Variants in TMPRSS9 observed in about 807,000 individuals in gnomAD.
TMPRSS9 encodes the protein transmembrane protease serine 9.
In TMPRSS9, 113 loss-of-function variants were observed where a neutral mutation model predicts 111.4. The observed-to-expected ratio is 1.01, with a 90% CI of 0.87 to 1.19. The LOEUF (loss-of-function observed/expected upper bound fraction) is 1.19, where lower values mean the gene tolerates loss of function less well. Ranked by LOEUF, TMPRSS9 falls within the 50% of genes most tolerant of loss-of-function variation. TMPRSS9 has a pLI of 0.00. For synonymous variants in TMPRSS9, 805 were observed against 659.1 expected (o/e 1.22, Z -3.39); for missense variants, 1,803 against 1,513.1 (o/e 1.19, Z -3.18).
chr19:2,393,127 A>T (rs1354352995), intron 1 of TMPRSS9, among the ~76,000 whole-genome samples: 1 of 152,190 alleles, frequency 6.6e-6, no homozygotes, highest in African/African-American at 2.4e-5. Flanking sequence ...AGGGAATAAA[A>T]GCGGACTGCT....
At chr19:2,367,220 T>C (rs1970254187) in intron 1 of TMPRSS9, among the ~76,000 whole-genome samples, 2 of 152,132 alleles carry the variant, frequency 1.3e-5, no homozygotes, top group Non-Finnish European at 2.9e-5. Context: ...CAAATAATTT[T>C]TGGAGATATT....
upstream of TMPRSS9, among the ~76,000 whole-genome samples, chr19:2,387,328 C>G (rs528620487): frequency 7.9e-5 from 12 of 152,186 alleles, no homozygotes; most frequent in African/African-American, 2.9e-4. Context: ...AACCCCCTCT[C>G]TACTAAAAAT....
In TMPRSS9 at chr19:2,426,046, G is replaced by A. The variant is rs1444634642; in HGVS notation, c.3240G>A (p.Val1080=). Residue 1080 remains valine, a synonymous_variant, in exon 18 of 18, where the codon GTG becomes GTA. Transcript: ENST00000648592. ...ACTTCCCAGGTGTCTATACCCGGGT[G>A]GCAGCTGTGAGAGGCTGGATAGGAC... is the stretch of plus-strand genomic sequence containing the variant. The A allele has an allele frequency of 1.9e-6, 3 of 1,609,438 alleles. No homozygotes were observed. The Admixed American group carries it at 5.1e-5, about 27-fold the overall frequency.
intron 13 of TMPRSS9, among the ~76,000 whole-genome samples, chr19:2,420,624 C>T (rs1227488991): frequency 6.6e-6 from 1 of 152,000 alleles, no homozygotes; most frequent in African/African-American, 2.4e-5. Flanking sequence ...TTCAATCAGA[C>T]TTCTGAGTTC....
intron 8 of TMPRSS9, among the ~76,000 whole-genome samples, chr19:2,409,029 T>TG (rs769467205): frequency 3.1e-5 from 4 of 127,306 alleles, no homozygotes; most frequent in Non-Finnish European, 1.7e-5. Flanking sequence ...ATAATAATAA[T>TG]AATGATGATG....
At chr19:2,386,234 G>C (rs1291263252), upstream of TMPRSS9, among the ~76,000 whole-genome samples, 1 of 152,168 alleles carries the variant, frequency 6.6e-6, no homozygotes, top group Admixed American at 6.6e-5. Context: ...GGCCGGGCAC[G>C]GTGGCTCACG....
chr19:2,384,037 C>T (rs1970421546), intron 1 of TMPRSS9, among the ~76,000 whole-genome samples: 1 of 152,114 alleles, frequency 6.6e-6, no homozygotes, highest in Admixed American at 6.6e-5. Flanking sequence ...TTCATCCCCA[C>T]GGGTGTCCAG....
At chr19:2,403,926 G>T (rs973217537) in intron 6 of TMPRSS9, among the ~76,000 whole-genome samples, 2 of 150,460 alleles carry the variant, frequency 1.3e-5, no homozygotes, top group Non-Finnish European at 3.0e-5. Flanking sequence ...CCGGGAGGTG[G>T]AGCTTGCAGT....
At chr19:2,395,860 T>A (rs144493608) in intron 1 of TMPRSS9, among the ~76,000 whole-genome samples, 5 of 151,334 alleles carry the variant, frequency 3.3e-5, no homozygotes, top group Non-Finnish European at 7.4e-5. Context: ...ACAAAAAAAT[T>A]AGCCACGCGT....
intron 12 of TMPRSS9, among the ~76,000 whole-genome samples, chr19:2,417,483 A>G (rs1971273318): frequency 7.0e-6 from 1 of 143,566 alleles, no homozygotes; most frequent in Non-Finnish European, 1.5e-5. Flanking sequence ...AAAAAAAAAA[A>G]TAGAAAAATA....
intron 1 of TMPRSS9, among the ~76,000 whole-genome samples, chr19:2,377,783 A>T: frequency 7.7e-6 from 1 of 130,498 alleles, no homozygotes; most frequent in Non-Finnish European, 1.6e-5. Context: ...TGTGATCATA[A>T]CTCACTGCAG....
At chr19:2,401,156 C>T (rs1486477952) in intron 4 of TMPRSS9, among the ~76,000 whole-genome samples, 1 of 152,084 alleles carries the variant, frequency 6.6e-6, no homozygotes, top group Non-Finnish European at 1.5e-5. Context: ...CGCCTGTAGT[C>T]CCAGCTGCTT....
upstream of TMPRSS9, among the ~76,000 whole-genome samples, chr19:2,387,603 A>G (rs1221648456): frequency 2.0e-5 from 3 of 151,706 alleles, no homozygotes; most frequent in Admixed American, 6.6e-5. Flanking sequence ...GAAAATGAGC[A>G]TGGCGTGGTG....
chr19:2,395,405 C>T (rs945565408), intron 1 of TMPRSS9, among the ~76,000 whole-genome samples: 1 of 151,756 alleles, frequency 6.6e-6, no homozygotes, highest in Non-Finnish European at 1.5e-5. Flanking sequence ...TGCACTCCAG[C>T]CTGGGTGACA....
chr19:2,411,031 G>A (rs1971083559), intron 9 of TMPRSS9, among the ~76,000 whole-genome samples: 1 of 152,184 alleles, frequency 6.6e-6, no homozygotes, highest in South Asian at 2.1e-4. Context: ...TGGGCACGGT[G>A]GCTCACGCCT....
At chr19:2,382,793 G>C (rs141978467) in intron 1 of TMPRSS9, among the ~76,000 whole-genome samples, 3 of 151,882 alleles carry the variant, frequency 2.0e-5, no homozygotes, top group Non-Finnish European at 2.9e-5. Context: ...ATGCACACCC[G>C]CACACAGACT....
At chr19:2,409,030 A>AATAATAATAATAATAATG (rs1430224737) in intron 8 of TMPRSS9, among the ~76,000 whole-genome samples, 2 of 125,360 alleles carry the variant, frequency 1.6e-5, no homozygotes, top group Non-Finnish European at 3.3e-5. Context: ...TAATAATAAT[A>AATAATAATAATAATAATG]ATGATGATGC....
intron 13 of TMPRSS9, among the ~76,000 whole-genome samples, chr19:2,420,051 T>A (rs572685616): frequency 1.3e-5 from 2 of 152,116 alleles, no homozygotes; most frequent in East Asian, 1.9e-4. Flanking sequence ...TGGTCCCAGC[T>A]CCTTGGGCAG....
chr19:2,416,760 G>A (rs1339906749), exon 12 of TMPRSS9: 1 of 1,612,766 alleles, frequency 6.2e-7, no homozygotes, highest in East Asian at 2.2e-5. Flanking sequence ...AGTTCCCTGT[G>A]GGCCGGAAGT....
Sources: allele counts gnomAD v4.1 joint callset (sites outside exome capture counted in the v4.1 genomes callset), GRCh38; gene constraint gnomAD v4.1.1; transcripts MANE v1.5; gene names NCBI Gene and HGNC (gene_info 2026-07-23, HGNC 2026-07-21).